Variants in IQSEC1 observed in about 807,000 individuals in gnomAD.
IQSEC1 encodes IQ motif and SEC7 domain-containing protein 1.
In IQSEC1, 31 loss-of-function variants were observed where a neutral mutation model predicts 91.0. That is an observed-to-expected ratio of 0.34 (90% confidence interval 0.26 to 0.46). The LOEUF is 0.46. Among genes scored for constraint, IQSEC1 ranks in the 20% least tolerant of loss-of-function variants. IQSEC1 has a pLI of 1.00. For missense variants in IQSEC1, 1,388 were observed against 1,575.6 expected, an observed-to-expected ratio of 0.88 and a Z score of 2.02; for synonymous variants, 699 against 662.6, an observed-to-expected ratio of 1.05 and a Z score of -0.84.
intron 1 of IQSEC1, among the ~76,000 whole-genome samples, chr3:13,203,599 C>T (rs1191435918): frequency 2.0e-5 from 3 of 152,176 alleles, no homozygotes; most frequent in African/African-American, 4.8e-5. Context: ...GGCTGCTCCA[C>T]GAATCAGCAA....
chr3:12,899,125 T>A lies in IQSEC1; in HGVS notation c.*1858A>T. ...ATTAACAAAGTGCTTGGTTTGCAGATTTGCTGGTACGGTGATCTCAATGAT... is the reference window on the plus strand; with the variant it reads ...ATTAACAAAGTGCTTGGTTTGCAGAATTGCTGGTACGGTGATCTCAATGAT... On this transcript the variant is annotated 3_prime_UTR_variant, in exon 14 of 14. Coordinates refer to ENST00000613206, the MANE Select transcript of IQSEC1 (RefSeq NM_001134382.3). 1 of 524,362 alleles carries A rather than the reference T, an allele frequency of 1.9e-6. No individual in the cohort carries two copies. Among genetic ancestry groups the A allele is most frequent in the Non-Finnish European group, 3.4e-6 (1 of 291,592 alleles). 32.5% of individuals were successfully genotyped at this position (524,362 alleles called of 1,614,324 possible).
intron 2 of IQSEC1, among the ~76,000 whole-genome samples, chr3:13,099,377 G>A (rs1706020321): frequency 6.6e-6 from 1 of 152,242 alleles, no homozygotes; most frequent in Admixed American, 6.5e-5. Flanking sequence ...AAATCAGCAA[G>A]AGTTGCAACA....
chr3:13,007,711 G>A lies in IQSEC1; in HGVS notation c.23+65281C>T, dbSNP rs567382037. ...CCGTTTTCTTTGCTGCTGCTTGAAA[G>A]CCTCCGCAGGCCACCCACTCCTCAC... On this transcript the variant is annotated intron_variant, in intron 1 of 13. Coordinates refer to ENST00000613206, the MANE Select transcript of IQSEC1 (RefSeq NM_001134382.3). Among the ~76,000 whole-genome samples the A allele has an allele frequency of 2.6e-5, 4 of 152,328 alleles. No individual in the cohort carries two copies. In the East Asian group the frequency reaches 5.8e-4, roughly 22 times the overall value.
At chr3:13,183,334 A>G (rs1203550112) in intron 1 of IQSEC1, among the ~76,000 whole-genome samples, 1 of 152,220 alleles carries the variant, frequency 6.6e-6, no homozygotes, top group South Asian at 2.1e-4. Flanking sequence ...TGGTAATCCC[A>G]GCACTTTGGG....
intron 1 of IQSEC1, among the ~76,000 whole-genome samples, chr3:13,025,285 G>T (rs538320232): frequency 9.8e-5 from 15 of 152,364 alleles, no homozygotes; most frequent in African/African-American, 3.4e-4. Context: ...GAACTGGCTC[G>T]CCCTCCAACC....
chr3:13,131,211 G>GGAGT (rs1385048935), intron 2 of IQSEC1, among the ~76,000 whole-genome samples: 1 of 151,994 alleles, frequency 6.6e-6, no homozygotes, highest in Non-Finnish European at 1.5e-5. Context: ...CCTTGATTAT[G>GGAGT]GAGTGACCTT....
At chr3:13,044,501 C>T (rs547268129) in intron 1 of IQSEC1, among the ~76,000 whole-genome samples, 192 of 152,300 alleles carry the variant, frequency 1.3e-3, no homozygotes, top group African/African-American at 4.3e-3. Context: ...TCGGGGAGTG[C>T]GAGGCCAGAG....
chr3:13,107,387 TA>T (rs1706167695), intron 2 of IQSEC1, among the ~76,000 whole-genome samples: 1 of 152,224 alleles, frequency 6.6e-6, no homozygotes, highest in African/African-American at 2.4e-5. Flanking sequence ...TATAGTTAAT[TA>T]AGTGCCTACT....
At chr3:13,057,780 GGA>G (rs1704929358) in intron 1 of IQSEC1, among the ~76,000 whole-genome samples, 1 of 152,208 alleles carries the variant, frequency 6.6e-6, no homozygotes, top group African/African-American at 2.4e-5. Flanking sequence ...GCCCTGCCCA[GGA>G]GCTCAGCCTG....
In IQSEC1 at chr3:13,038,262, G is replaced by GTATATATATATATATA. The variant is rs58338571; in HGVS notation, c.23+34714_23+34729dup. On this transcript the variant is annotated intron_variant, in intron 1 of 13. Transcript: ENST00000613206. Reference sequence around the variant, plus strand: ...CAAGTATATATATGTGTGTGTGTGTGTATATATATATATATATATATATAT... The same window carrying GTATATATATATATATA: ...CAAGTATATATATGTGTGTGTGTGTGTATATATATATATATATATATATATATATATATATATATAT... 3.6e-3 allele frequency among the ~76,000 whole-genome samples: 363 copies of GTATATATATATATATA among 101,082 alleles called. 4 individuals are homozygous for GTATATATATATATATA. Among genetic ancestry groups the GTATATATATATATATA allele is most frequent in the Non-Finnish European group, 4.8e-3 (248 of 51,400 alleles). The allele number at this position is 101,082 out of a possible 152,430, so 66.3% of individuals were successfully genotyped here.
intron 1 of IQSEC1, among the ~76,000 whole-genome samples, chr3:13,205,622 C>T (rs1694329835): frequency 6.6e-6 from 1 of 151,166 alleles, no homozygotes; most frequent in African/African-American, 2.4e-5. Context: ...TGCCCTCCAC[C>T]CATACATCCC....
intron 2 of IQSEC1, among the ~76,000 whole-genome samples, chr3:12,937,504 T>C (rs1387903316): frequency 6.6e-6 from 1 of 152,246 alleles, no homozygotes; most frequent in African/African-American, 2.4e-5. Context: ...TGGGGTTTGC[T>C]GCACTGAGAA....
chr3:13,142,708 A>C (rs1344540438), intron 2 of IQSEC1, among the ~76,000 whole-genome samples: 3 of 152,226 alleles, frequency 2.0e-5, no homozygotes, highest in Non-Finnish European at 4.4e-5. Flanking sequence ...TCACAAGTCA[A>C]AGTTCTGTGT....
chr3:13,258,219 T>G (rs1409295715), intron 1 of IQSEC1, among the ~76,000 whole-genome samples: 1 of 152,190 alleles, frequency 6.6e-6, no homozygotes, highest in Admixed American at 6.5e-5. Flanking sequence ...GTTCATCCAT[T>G]GCGGCAGATG....
intron 2 of IQSEC1, among the ~76,000 whole-genome samples, chr3:13,092,087 G>A (rs80136581): frequency 0.1 from 15,363 of 152,066 alleles, 857 homozygotes; most frequent in East Asian, 0.19. Context: ...CCTGCACTGC[G>A]CGGGGTCAAT....
At chr3:12,990,490 C>A (rs1379087247) in intron 1 of IQSEC1, among the ~76,000 whole-genome samples, 1 of 152,196 alleles carries the variant, frequency 6.6e-6, no homozygotes, top group South Asian at 2.1e-4. Flanking sequence ...TAAGGAATGA[C>A]GCAGGCCAGG....
chr3:13,061,455 G>A (rs1467360448), intron 1 of IQSEC1, among the ~76,000 whole-genome samples: 2 of 152,220 alleles, frequency 1.3e-5, no homozygotes, highest in Non-Finnish European at 2.9e-5. Context: ...GGTCCCAGTT[G>A]GCAAAGCAAG....
intron 2 of IQSEC1, among the ~76,000 whole-genome samples, chr3:13,152,193 T>C (rs1159962293): frequency 6.6e-6 from 1 of 152,150 alleles, no homozygotes; most frequent in Non-Finnish European, 1.5e-5. Flanking sequence ...CAATATGGAT[T>C]AAGAAACTGT....
intron 1 of IQSEC1, among the ~76,000 whole-genome samples, chr3:13,187,581 T>C (rs1310414467): frequency 6.6e-6 from 1 of 152,208 alleles, no homozygotes; most frequent in Non-Finnish European, 1.5e-5. Flanking sequence ...TCCTGTCTAG[T>C]TCACTGCTGT....
Sources: allele counts gnomAD v4.1 joint callset (sites outside exome capture counted in the v4.1 genomes callset), GRCh38; gene constraint gnomAD v4.1.1; transcripts MANE v1.5; gene names NCBI Gene and HGNC (gene_info 2026-07-23, HGNC 2026-07-21).